The following ARHGAP6 variants were observed in gnomAD, a reference collection of about 807,000 sequenced individuals.
ARHGAP6 encodes the protein rho GTPase-activating protein 6.
ARHGAP6 carries 16 observed loss-of-function variants against 55.7 expected under a neutral mutation model. The observed-to-expected ratio is 0.29, with a 90% CI of 0.19 to 0.44. The LOEUF is 0.44. Ranked by LOEUF, ARHGAP6 falls within the 20% of genes least tolerant of loss-of-function variation. ARHGAP6 has a pLI of 1.00. For synonymous variants in ARHGAP6, 382 were observed against 360.9 expected (o/e 1.06, Z -0.66); for missense variants, 698 against 808.9 (o/e 0.86, Z 1.66).
chrX:11,357,877 C>A (rs2048951892), intron 1 of ARHGAP6, among the ~76,000 whole-genome samples: 1 of 111,881 alleles, frequency 8.9e-6, no homozygotes, highest in African/African-American at 3.3e-5. Flanking sequence ...TTATATCTTT[C>A]TTTAAAATTG....
chrX:11,242,568 T>C lies in ARHGAP6; in HGVS notation c.748+11980A>G, dbSNP rs371827119. On this transcript the variant is annotated intron_variant, in intron 2 of 12. Transcript: ENST00000337414. ...TGAATTTGTATCTTTCATTGAACAG[T>C]CCTTAAATGGAGGACAATACTTTTA... Among the ~76,000 whole-genome samples the C allele has an allele frequency of 8.2e-4, 92 of 112,028 alleles. 2 individuals are homozygous for C. In the South Asian group the frequency reaches 0.033, roughly 40 times the overall value.
intron 1 of ARHGAP6, among the ~76,000 whole-genome samples, chrX:11,652,207 A>G (rs987329856): frequency 3.0e-4 from 34 of 112,091 alleles, no homozygotes; most frequent in Admixed American, 1.9e-3. Flanking sequence ...GCCCATGCCT[A>G]TGTTCTGAAT....
intron 1 of ARHGAP6, among the ~76,000 whole-genome samples, chrX:11,625,055 G>T (rs1029277702): frequency 9.0e-6 from 1 of 111,705 alleles, no homozygotes; most frequent in African/African-American, 3.3e-5. Context: ...GTATACTGTT[G>T]GTGGTAATGT....
intron 2 of ARHGAP6, among the ~76,000 whole-genome samples, chrX:11,238,147 T>G (rs372481478): frequency 1.8e-5 from 2 of 112,550 alleles, no homozygotes; most frequent in South Asian, 7.4e-4. Flanking sequence ...ATTTTCCCAC[T>G]TGTCACAATG....
At chrX:11,367,685 TG>T in intron 1 of ARHGAP6, 1 of 369,021 alleles carries the variant, frequency 2.7e-6, no homozygotes, top group Non-Finnish European at 3.5e-6. Flanking sequence ...AGAACATTGA[TG>T]GGGCTAAGTT....
chrX:11,180,216 G>A (rs1424437711), intron 6 of ARHGAP6, among the ~76,000 whole-genome samples: 4 of 111,200 alleles, frequency 3.6e-5, no homozygotes, highest in Non-Finnish European at 7.5e-5. Context: ...AGTAGCAAGG[G>A]AGTAATAACT....
chrX:11,310,936 G>A (rs1464698458), intron 1 of ARHGAP6, among the ~76,000 whole-genome samples: 2 of 112,032 alleles, frequency 1.8e-5, no homozygotes, highest in African/African-American at 6.5e-5. Context: ...AGTTGCTCTT[G>A]TATATCAGGT....
chrX:11,180,809 G>A (rs2046304829), intron 6 of ARHGAP6, among the ~76,000 whole-genome samples: 1 of 112,051 alleles, frequency 8.9e-6, no homozygotes, highest in African/African-American at 3.2e-5. Flanking sequence ...ATCAGCGTGT[G>A]TCAGGCAGCC....
At chrX:11,406,741 A>C (rs972195665) in intron 1 of ARHGAP6, among the ~76,000 whole-genome samples, 1 of 111,884 alleles carries the variant, frequency 8.9e-6, no homozygotes, top group Non-Finnish European at 1.9e-5. Flanking sequence ...TGTTCACGTA[A>C]ACAGTCCTGA....
chrX:11,438,503 T>C (rs1003670930), intron 1 of ARHGAP6, among the ~76,000 whole-genome samples: 3 of 112,724 alleles, frequency 2.7e-5, no homozygotes, highest in African/African-American at 6.4e-5. Flanking sequence ...GCCAGGCACA[T>C]AGAAGCTCTG....
chrX:11,440,761 G>A (rs1270195774), intron 1 of ARHGAP6, among the ~76,000 whole-genome samples: 1 of 112,148 alleles, frequency 8.9e-6, no homozygotes, highest in Non-Finnish European at 1.9e-5. Flanking sequence ...AATATTTGTT[G>A]AATGCTGTTA....
At position 11,353,230 on chromosome X, in the gene ARHGAP6, G is replaced by A. The variant is rs916124022; in HGVS notation, c.589-98523C>T. 4.5e-5 allele frequency among the ~76,000 whole-genome samples: 5 copies of A among 111,894 alleles called. 1 individual carries two copies. The highest frequency in any genetic ancestry group is 7.5e-4 in the South Asian group (2 of 2,681). On this transcript the variant is annotated intron_variant, in intron 1 of 12. Coordinates refer to ENST00000337414, the MANE Select transcript of ARHGAP6 (RefSeq NM_013427.3). ...CAGTTTGATCAACACACAGAGGTAA[G>A]CCCCAGCAAAAGTTCTTTAACAGGT... is the stretch of plus-strand genomic sequence containing the variant.
intron 1 of ARHGAP6, among the ~76,000 whole-genome samples, chrX:11,504,655 T>C (rs2054756321): frequency 8.9e-6 from 1 of 112,170 alleles, no homozygotes; most frequent in Admixed American, 9.5e-5. Context: ...AATAAGCAGG[T>C]CTTTAGCTGA....
chrX:11,557,909 T>C (rs1330523611), intron 1 of ARHGAP6, among the ~76,000 whole-genome samples: 1 of 111,941 alleles, frequency 8.9e-6, no homozygotes, highest in East Asian at 2.8e-4. Context: ...TATATATGTA[T>C]GAGAAGTAAC....
At chrX:11,496,689 A>AT (rs926327024) in intron 1 of ARHGAP6, among the ~76,000 whole-genome samples, 3 of 111,980 alleles carry the variant, frequency 2.7e-5, no homozygotes, top group African/African-American at 9.7e-5. Flanking sequence ...CCAAGTCTTC[A>AT]TTTTTTTTAA....
At chrX:11,578,600 A>G (rs1231782665) in intron 1 of ARHGAP6, among the ~76,000 whole-genome samples, 1 of 112,306 alleles carries the variant, frequency 8.9e-6, no homozygotes, top group Non-Finnish European at 1.9e-5. Context: ...AACCAGTTCA[A>G]CCATTGTGGA....
chrX:11,186,203 T>A lies in ARHGAP6; in HGVS notation c.1273+33A>T, dbSNP rs200331482. The stretch of plus-strand genomic sequence containing the variant: ...TGAATGATGCTTGAATAAATGAAAG[T>A]CCTTAGTACTTTAGACAGACAAGTC... On this transcript the variant is annotated intron_variant, in intron 5 of 12. Transcript: ENST00000337414. 7.0e-6 allele frequency: 8 copies of A among 1,150,404 alleles called. No individual in the cohort carries two copies. In the African/African-American group the frequency reaches 7.2e-5, roughly 10 times the overall value. 94.8% of individuals were successfully genotyped at this position (1,150,404 alleles called of 1,213,427 possible).
At chrX:11,452,211 G>A (rs1603213922) in intron 1 of ARHGAP6, among the ~76,000 whole-genome samples, 1 of 112,060 alleles carries the variant, frequency 8.9e-6, no homozygotes, top group African/African-American at 3.2e-5. Context: ...GCAGTGGCAC[G>A]ATCTCGGCTT....
intron 1 of ARHGAP6, among the ~76,000 whole-genome samples, chrX:11,275,628 G>A (rs2047750581): frequency 9.0e-6 from 1 of 111,620 alleles, no homozygotes; most frequent in South Asian, 3.8e-4. Flanking sequence ...CCTTTTGAAA[G>A]CCATCATTGA....
Sources: allele counts gnomAD v4.1 joint callset (sites outside exome capture counted in the v4.1 genomes callset), GRCh38; gene constraint gnomAD v4.1.1; transcripts MANE v1.5; gene names NCBI Gene and HGNC (gene_info 2026-07-23, HGNC 2026-07-21).